The following NUB1 variants were observed in gnomAD, a reference collection of about 807,000 sequenced individuals.
The protein encoded by NUB1 is negative regulator of ubiquitin like proteins 1.
NUB1 carries 41 observed loss-of-function variants against 77.1 expected under a neutral mutation model. The ratio of observed to expected loss-of-function variants is 0.53; its 90% CI spans 0.41 to 0.69. NUB1 has a LOEUF of 0.69. Among genes scored for constraint, NUB1 ranks in the 30% least tolerant of loss-of-function variants. NUB1 has a pLI of 0.00. For synonymous variants in NUB1, 257 were observed against 281.0 expected, an observed-to-expected ratio of 0.91 and a Z score of 0.85; for missense variants, 643 against 743.8, an observed-to-expected ratio of 0.86 and a Z score of 1.58.
intron 7 of NUB1, among the ~76,000 whole-genome samples, chr7:151,356,934 C>T (rs1195957762): frequency 2.0e-5 from 3 of 152,122 alleles, no homozygotes; most frequent in African/African-American, 7.2e-5. Context: ...TCAGGCTAGT[C>T]TTGAACTCCC....
chr7:151,367,721 G>A (rs1422356372), intron 9 of NUB1, 140 bp from the exon 10 acceptor site: 39 of 586,330 alleles, frequency 6.7e-5, no homozygotes, highest in Non-Finnish European at 1.0e-4. Context: ...CACTTTTGCC[G>A]TCAGTCATAG....
chr7:151,375,818 A>G, intron 12 of NUB1, 30 bp from the exon 13 acceptor site: 3 of 1,440,292 alleles, frequency 2.1e-6, no homozygotes, highest in Non-Finnish European at 2.0e-6. Context: ...GTTCTTAGTG[A>G]TGGGTAAAGG....
Position 151,351,439 on chromosome 7 carries a change from T to C in NUB1, c.301T>C (p.Leu101=), listed in dbSNP as rs1300330727. 7 of 1,612,740 alleles carry C rather than the reference T, an allele frequency of 4.3e-6. No homozygotes were observed. Among genetic ancestry groups the C allele is most frequent in the Non-Finnish European group, 5.9e-6 (7 of 1,179,042 alleles). Residue 101 remains leucine (L), a synonymous_variant, in exon 4 of 15, where the codon TTG becomes CTG. Coordinates refer to ENST00000568733, the MANE Select transcript of NUB1 (RefSeq NM_001243351.2). ...TTTTTAACAGGATAGGAAAAACTTG[T>C]TGGAGACCCGATTGCACATCACTGG... ...PRLKKDRKNL[L]ETRLHITGRE... is the part of the protein sequence containing the mutation.
intron 7 of NUB1, among the ~76,000 whole-genome samples, chr7:151,357,883 T>TA (rs1797158569): frequency 6.6e-6 from 1 of 152,054 alleles, no homozygotes; most frequent in African/African-American, 2.4e-5. Flanking sequence ...GTGCTGGGAT[T>TA]ACAGGCATGA....
At chr7:151,376,400 T>G in intron 13 of NUB1, 1 of 531,904 alleles carries the variant, frequency 1.9e-6, no homozygotes, top group Non-Finnish European at 3.3e-6. Context: ...CAGCCCGAGG[T>G]CACTGCCTGT....
chr7:151,352,512 T>C lies in NUB1; in HGVS notation c.345-300T>C, dbSNP rs116585761. Reference sequence around the variant, plus strand: ...AAGCTGAAGCACAGTGGCATAAATATAGCTCATTGCAACCTCAAACTCGCG... The same window carrying C: ...AAGCTGAAGCACAGTGGCATAAATACAGCTCATTGCAACCTCAAACTCGCG... On this transcript the variant is annotated intron_variant, in intron 4 of 14. Coordinates refer to ENST00000568733, the MANE Select transcript of NUB1 (RefSeq NM_001243351.2). 6.2e-3 allele frequency: 2,156 copies of C among 348,388 alleles called. 43 individuals are homozygous for C. The highest frequency in any genetic ancestry group is 0.043 in the African/African-American group (2,021 of 46,698). The allele number at this position is 348,388 out of a possible 1,614,324, so 21.6% of individuals were successfully genotyped here.
chr7:151,347,759 T>C (rs985768272), intron 2 of NUB1, among the ~76,000 whole-genome samples: 1 of 152,260 alleles, frequency 6.6e-6, no homozygotes, highest in East Asian at 1.9e-4. Context: ...GCGCCCAATC[T>C]ATACTCATAT....
At chr7:151,362,119 C>G (rs1318608345) in intron 8 of NUB1, among the ~76,000 whole-genome samples, 1 of 152,138 alleles carries the variant, frequency 6.6e-6, no homozygotes, top group Non-Finnish European at 1.5e-5. Flanking sequence ...ATTTTTAGGT[C>G]TCAGGGAACC....
chr7:151,363,662 T>A (rs1164854032), intron 8 of NUB1, among the ~76,000 whole-genome samples: 2 of 152,010 alleles, frequency 1.3e-5, no homozygotes, highest in African/African-American at 4.8e-5. Context: ...ACAAGAAATA[T>A]CAGAAAAAAA....
In NUB1 at chr7:151,344,180, C is replaced by CAAAAAAAAAA. The variant is rs561127147; in HGVS notation, c.-2-1144_-2-1135dup. On this transcript the variant is annotated intron_variant, in intron 1 of 14. Coordinates refer to ENST00000568733, the MANE Select transcript of NUB1 (RefSeq NM_001243351.2). Reference sequence around the variant, plus strand: ...TGGGCGACAGAGTGAGACTCCCTCTCAAAAAAAAAAAAAAAAAAAAAAAAA... The same window carrying CAAAAAAAAAA: ...TGGGCGACAGAGTGAGACTCCCTCTCAAAAAAAAAAAAAAAAAAAAAAAAAAAAAAAAAAA... Among the ~76,000 whole-genome samples the CAAAAAAAAAA allele has an allele frequency of 3.1e-3, 141 of 45,642 alleles. 22 individuals carry two copies. The highest frequency in any genetic ancestry group is 5.1e-3 in the South Asian group (7 of 1,372). 29.9% of individuals were successfully genotyped at this position (45,642 alleles called of 152,430 possible).
At chr7:151,343,947 C>T (rs1006008805) in intron 1 of NUB1, among the ~76,000 whole-genome samples, 15 of 151,730 alleles carry the variant, frequency 9.9e-5, no homozygotes, top group African/African-American at 2.9e-4. Context: ...TTTGGGAGGC[C>T]GAGGCGGGCG....
intron 7 of NUB1, among the ~76,000 whole-genome samples, chr7:151,358,518 C>A (rs903670867): frequency 6.6e-6 from 1 of 152,130 alleles, no homozygotes; most frequent in Admixed American, 6.5e-5. Flanking sequence ...GGAGCATGAA[C>A]CCTATTGTGA....
At position 151,349,104 on chromosome 7, in the gene NUB1, A is replaced by G. The variant is rs1388321361; in HGVS notation, c.149A>G (p.Glu50Gly). ...DLAKQYSDRL[E>G]CCENEVEKVI... ...GCTAAGCAGTACTCTGACAGACTAG[A>G]ATGCTGTGAAAATGAAGTAGAAAAG... Residue 50 changes from glutamate to glycine, a missense_variant, in exon 3 of 15, where the codon GAA becomes GGA. Physicochemically the swap from Glu to Gly is moderately conservative, Grantham distance 98. Coordinates refer to ENST00000568733, the MANE Select transcript of NUB1 (RefSeq NM_001243351.2). 1 of 1,613,366 alleles carries G rather than the reference A, an allele frequency of 6.2e-7. No individual in the cohort carries two copies. Among genetic ancestry groups the G allele is most frequent in the Non-Finnish European group, 8.5e-7 (1 of 1,179,766 alleles).
intron 8 of NUB1, among the ~76,000 whole-genome samples, chr7:151,366,214 C>T (rs769599084): frequency 2.0e-5 from 3 of 152,206 alleles, no homozygotes; most frequent in Non-Finnish European, 4.4e-5. Context: ...CAGCCTGCTG[C>T]CACGAATACG....
At chr7:151,376,294 G>T (rs1159308583) in intron 13 of NUB1, 2 of 473,570 alleles carry the variant, frequency 4.2e-6, no homozygotes, top group Non-Finnish European at 7.7e-6. Flanking sequence ...TGACGGCTCT[G>T]TCCACATTTG....
intron 5 of NUB1, among the ~76,000 whole-genome samples, chr7:151,355,460 G>T (rs1275872169): frequency 6.6e-6 from 1 of 152,200 alleles, no homozygotes. Context: ...GATCACTTGA[G>T]CCCAGGAGTT....
intron 4 of NUB1, chr7:151,352,165 T>C: frequency 2.2e-6 from 1 of 456,704 alleles, no homozygotes; most frequent in Admixed American, 2.3e-5. Flanking sequence ...CAGCCCCCGC[T>C]ATGGGCTTCT....
At chr7:151,368,046 A>ACGCT in intron 10 of NUB1, 78 bp downstream of exon 10, 1 of 826,820 alleles carries the variant, frequency 1.2e-6, no homozygotes, top group South Asian at 1.6e-5. Context: ...TTAACTTAGT[A>ACGCT]GTTTGTGACT....
chr7:151,372,621 G>A (rs1027431402), intron 11 of NUB1, among the ~76,000 whole-genome samples: 1 of 152,208 alleles, frequency 6.6e-6, no homozygotes, highest in Non-Finnish European at 1.5e-5. Flanking sequence ...TGTGGTTGGG[G>A]TGGTGTGGCA....
Sources: allele counts gnomAD v4.1 joint callset (sites outside exome capture counted in the v4.1 genomes callset), GRCh38; gene constraint gnomAD v4.1.1; transcripts MANE v1.5; gene names NCBI Gene and HGNC (gene_info 2026-07-23, HGNC 2026-07-21).